Variants in ATG7 observed in about 807,000 individuals in gnomAD.
ATG7 encodes autophagy related 7.
ATG7 carries 70 observed loss-of-function variants against 82.4 expected under a neutral mutation model. That is an observed-to-expected ratio of 0.85 (90% confidence interval 0.70 to 1.04). The LOEUF (loss-of-function observed/expected upper bound fraction) is 1.04, where lower values mean the gene tolerates loss of function less well. ATG7 is among the 50% of genes least tolerant of loss of function. The probability of loss-of-function intolerance (pLI) is 0.00; values close to 1 mark genes in which losing one functional copy is unlikely to be tolerated. For synonymous variants in ATG7, 287 were observed against 313.0 expected, an observed-to-expected ratio of 0.92 and a Z score of 0.88; for missense variants, 792 against 864.3, an observed-to-expected ratio of 0.92 and a Z score of 1.05.
At chr3:11,311,360 T>C (rs1419507635) in intron 7 of ATG7, among the ~76,000 whole-genome samples, 2 of 152,020 alleles carry the variant, frequency 1.3e-5, no homozygotes, top group Non-Finnish European at 2.9e-5. Context: ...TTCTAGCGAT[T>C]TGGGAGGCCG....
intron 20 of ATG7, among the ~76,000 whole-genome samples, chr3:11,462,685 C>T (rs2086432871): frequency 2.0e-5 from 3 of 152,028 alleles, no homozygotes; most frequent in Non-Finnish European, 4.4e-5. Flanking sequence ...CAGAAGTGTA[C>T]TCCTGGCTGG....
chr3:11,447,934 A>G (rs928736205), intron 20 of ATG7, among the ~76,000 whole-genome samples: 5 of 152,184 alleles, frequency 3.3e-5, no homozygotes, highest in African/African-American at 1.2e-4. Context: ...GGCATATATG[A>G]TAGAAGTCCA....
chr3:11,408,693 A>G (rs2080594570), intron 19 of ATG7, among the ~76,000 whole-genome samples: 1 of 152,174 alleles, frequency 6.6e-6, no homozygotes, highest in Admixed American at 6.5e-5. Context: ...GTACAGGGGA[A>G]CGCCTCGTTA....
intron 20 of ATG7, among the ~76,000 whole-genome samples, chr3:11,482,471 G>A (rs1202059979): frequency 6.6e-6 from 1 of 152,176 alleles, no homozygotes; most frequent in African/African-American, 2.4e-5. Flanking sequence ...TTGGCCTGCT[G>A]ACTCCTTCAG....
At chr3:11,379,880 A>G in intron 18 of ATG7, 92 bp from the exon 19 acceptor site, 1 of 1,276,006 alleles carries the variant, frequency 7.8e-7, no homozygotes, top group Non-Finnish European at 1.1e-6. Flanking sequence ...CATATTAATC[A>G]TTTCCTACTT....
chr3:11,313,471 G>A (rs757130024), intron 8 of ATG7, 51 bp downstream of exon 8: 3 of 1,295,652 alleles, frequency 2.3e-6, no homozygotes, highest in South Asian at 2.6e-5. Context: ...ATGTGCAAGA[G>A]TAGTTATGTA....
chr3:11,453,461 A>G (rs1363459739), intron 20 of ATG7, among the ~76,000 whole-genome samples: 1 of 152,228 alleles, frequency 6.6e-6, no homozygotes, highest in Non-Finnish European at 1.5e-5. Context: ...ACCCTTCGTC[A>G]GGATGTAACG....
chr3:11,465,993 G>A (rs537057995), intron 20 of ATG7, among the ~76,000 whole-genome samples: 2 of 152,272 alleles, frequency 1.3e-5, no homozygotes, highest in Non-Finnish European at 2.9e-5. Flanking sequence ...GTCTTTCACA[G>A]AGGGCAGTAA....
At chr3:11,573,581 G>A in the ATG7 span, among the ~76,000 whole-genome samples, 1 of 152,200 alleles carries the variant, frequency 6.6e-6, no homozygotes, top group African/African-American at 2.4e-5. Context: ...GACCACTGCT[G>A]CTGCTGTGTA....
chr3:11,537,044 C>T (rs536968797), intron 20 of ATG7, among the ~76,000 whole-genome samples: 2 of 152,114 alleles, frequency 1.3e-5, no homozygotes, highest in Admixed American at 6.5e-5. Context: ...CTCCGCGGAC[C>T]CTCTGATGGC....
intron 19 of ATG7, among the ~76,000 whole-genome samples, chr3:11,405,979 CTT>C (rs897211646): frequency 1.3e-4 from 15 of 119,700 alleles, no homozygotes; most frequent in Non-Finnish European, 2.2e-4. Context: ...TCCTTCCTTG[CTT>C]TTTTTTGTTT....
chr3:11,568,723 G>C, the ATG7 span: 2 of 1,544,308 alleles, frequency 1.3e-6, no homozygotes, highest in Non-Finnish European at 1.7e-6. This position sits in a 1 kb window ranked among gnomAD's most constrained non-coding sequence, Gnocchi z 5.9. Context: ...TGCTCCCGGG[G>C]ACGGCAGAAA....
At chr3:11,521,216 T>G (rs1307066254) in intron 20 of ATG7, among the ~76,000 whole-genome samples, 1 of 151,906 alleles carries the variant, frequency 6.6e-6, no homozygotes, top group East Asian at 1.9e-4. Context: ...CAGCCATGAG[T>G]TGAGAAGGCC....
intron 20 of ATG7, among the ~76,000 whole-genome samples, chr3:11,514,792 T>A (rs1286979937): frequency 6.6e-6 from 1 of 151,804 alleles, no homozygotes; most frequent in Non-Finnish European, 1.5e-5. Context: ...AAGAGAAGTA[T>A]GTTCCACGCA....
chr3:11,458,811 G>A (rs2086012055), intron 20 of ATG7, among the ~76,000 whole-genome samples: 1 of 152,232 alleles, frequency 6.6e-6, no homozygotes, highest in Non-Finnish European at 1.5e-5. Flanking sequence ...CTGGTCCGAG[G>A]CCTGTTAGGA....
Position 11,514,846 on chromosome 3 carries a change from T to G in ATG7, c.2080-39965T>G, listed in dbSNP as rs117479023. 3.9e-3 allele frequency among the ~76,000 whole-genome samples: 588 copies of G among 151,684 alleles called. 40 individuals carry two copies. In the East Asian group the frequency reaches 0.1, roughly 26 times the overall value. ...CCAAGTGCATCTGGTCTAGGTTTTT[T>G]TTTTTTTTTTTGGAGAGAGAGTCTC... On this transcript the variant is annotated intron_variant, in intron 20 of 20. Transcript: ENST00000693202.
intron 20 of ATG7, among the ~76,000 whole-genome samples, chr3:11,480,469 G>A (rs148204271): frequency 7.1e-4 from 108 of 152,236 alleles, no homozygotes; most frequent in African/African-American, 2.6e-3. Flanking sequence ...AGCATTATTG[G>A]GAGGGGGTGC....
intron 20 of ATG7, among the ~76,000 whole-genome samples, chr3:11,493,456 G>A (rs536417679): frequency 1.8e-4 from 27 of 152,320 alleles, no homozygotes; most frequent in African/African-American, 6.0e-4. Flanking sequence ...AATGACTCAG[G>A]AGAGAGCAGG....
intron 12 of ATG7, among the ~76,000 whole-genome samples, chr3:11,341,237 A>G (rs543974307): frequency 6.6e-6 from 1 of 151,004 alleles, no homozygotes; most frequent in African/African-American, 2.4e-5. Context: ...AATTTTTTGT[A>G]TTTTAGTAGA....
Sources: allele counts gnomAD v4.1 joint callset (sites outside exome capture counted in the v4.1 genomes callset), GRCh38; gene constraint gnomAD v4.1.1; non-coding constraint Gnocchi (gnomAD v3.1); transcripts MANE v1.5; gene names NCBI Gene and HGNC (gene_info 2026-07-23, HGNC 2026-07-21).